The following ASIC2 variants were observed in gnomAD, a reference collection of about 807,000 sequenced individuals.
The protein encoded by ASIC2 is acid-sensing ion channel 2.
Under a neutral mutation model 57.3 loss-of-function variants are expected in ASIC2, and 25 were observed. The ratio of observed to expected loss-of-function variants is 0.44; its 90% CI spans 0.32 to 0.61. The LOEUF is 0.61. Among genes scored for constraint, ASIC2 ranks in the 20% least tolerant of loss-of-function variants. The pLI is 0.06. For missense variants in ASIC2, 641 were observed against 738.1 expected, an observed-to-expected ratio of 0.87 and a Z score of 1.52; for synonymous variants, 319 against 307.5, an observed-to-expected ratio of 1.04 and a Z score of -0.39.
intron 2 of ASIC2, among the ~76,000 whole-genome samples, chr17:33,091,245 G>A (rs1567741219): frequency 1.3e-5 from 2 of 152,178 alleles, no homozygotes; most frequent in African/African-American, 4.8e-5. Context: ...TTCAGTGGCT[G>A]TGTTTTCAAA....
At chr17:33,258,578 G>C (rs1046116131) in intron 1 of ASIC2, among the ~76,000 whole-genome samples, 3 of 152,280 alleles carry the variant, frequency 2.0e-5, no homozygotes, top group Middle Eastern at 3.4e-3. Context: ...AAAGTACAGC[G>C]GCCCTGAGGT....
intron 1 of ASIC2, among the ~76,000 whole-genome samples, chr17:33,288,553 C>T (rs1905285692): frequency 6.6e-6 from 1 of 152,098 alleles, no homozygotes; most frequent in Admixed American, 6.6e-5. Context: ...AAACCATGTG[C>T]TTTGAGCAGT....
chr17:33,790,785 T>C (rs1415055223), intron 1 of ASIC2, among the ~76,000 whole-genome samples: 1 of 152,214 alleles, frequency 6.6e-6, no homozygotes, highest in Non-Finnish European at 1.5e-5. Flanking sequence ...ATAAAGATGA[T>C]GATGACGATC....
chr17:33,020,122 C>G (rs895862023), intron 7 of ASIC2, among the ~76,000 whole-genome samples: 3 of 152,112 alleles, frequency 2.0e-5, no homozygotes, highest in African/African-American at 7.2e-5. Context: ...TGGGGAGTCC[C>G]CAGCCTCCTG....
chr17:33,502,027 G>C (rs1197319969), intron 1 of ASIC2, among the ~76,000 whole-genome samples: 1 of 152,162 alleles, frequency 6.6e-6, no homozygotes, highest in Non-Finnish European at 1.5e-5. Context: ...AAGAGTGCCA[G>C]GCCAGAGGAG....
At chr17:34,043,716 G>T (rs967716731) in intron 1 of ASIC2, among the ~76,000 whole-genome samples, 2 of 152,144 alleles carry the variant, frequency 1.3e-5, no homozygotes, top group African/African-American at 4.8e-5. Context: ...GATGAGCAGG[G>T]TGAGGGTTAT....
intron 1 of ASIC2, among the ~76,000 whole-genome samples, chr17:33,630,262 A>T (rs1376072552): frequency 1.3e-5 from 2 of 152,118 alleles, no homozygotes; most frequent in Non-Finnish European, 2.9e-5. Context: ...AGTTGGTCGC[A>T]TGCTGACAGT....
chr17:33,151,097 C>T (rs776562294), intron 1 of ASIC2, among the ~76,000 whole-genome samples: 3 of 150,514 alleles, frequency 2.0e-5, no homozygotes, highest in African/African-American at 4.9e-5. Context: ...GGGAGGCTGA[C>T]GGATGGATCA....
chr17:33,523,876 C>T (rs892960732), intron 1 of ASIC2, among the ~76,000 whole-genome samples: 4 of 152,160 alleles, frequency 2.6e-5, no homozygotes, highest in African/African-American at 9.7e-5. Flanking sequence ...GAAGTTCCTG[C>T]TCTCATGATG....
At chr17:33,573,412 T>G (rs925207501) in intron 1 of ASIC2, among the ~76,000 whole-genome samples, 5 of 152,200 alleles carry the variant, frequency 3.3e-5, no homozygotes, top group Admixed American at 6.5e-5. Flanking sequence ...GTGACTCTCC[T>G]AGATCCAACT....
intron 6 of ASIC2, among the ~76,000 whole-genome samples, chr17:33,022,527 C>T (rs375966153): frequency 4.6e-5 from 7 of 152,334 alleles, no homozygotes; most frequent in Non-Finnish European, 7.3e-5. Flanking sequence ...CCTGCACCCA[C>T]TCGGCTCAGC....
intron 1 of ASIC2, among the ~76,000 whole-genome samples, chr17:33,307,280 C>A (rs1011878901): frequency 2.8e-5 from 1 of 35,824 alleles, no homozygotes; most frequent in Non-Finnish European, 5.6e-5. Flanking sequence ...CCTCTTCCTT[C>A]TTCTTCTTCT....
intron 1 of ASIC2, among the ~76,000 whole-genome samples, chr17:33,684,872 T>C (rs1908131578): frequency 6.6e-6 from 1 of 152,292 alleles, no homozygotes; most frequent in Non-Finnish European, 1.5e-5. Flanking sequence ...AATACCATTG[T>C]GTTCTGTACG....
chr17:33,328,819 C>T (rs189621815), intron 1 of ASIC2, among the ~76,000 whole-genome samples: 46 of 152,256 alleles, frequency 3.0e-4, no homozygotes, highest in African/African-American at 1.1e-3. Flanking sequence ...TCAGCAAATC[C>T]CGTGATACTA....
rs1449826973 is a variant in ASIC2 at position 34,156,433 on chromosome 17, C to T, written c.100G>A (p.Val34Met). The T allele has an allele frequency of 6.2e-7, 1 of 1,614,202 alleles. No individual in the cohort carries two copies. The highest frequency in any genetic ancestry group is 8.5e-7 in the Non-Finnish European group (1 of 1,180,038). Residue 34 changes from valine to methionine, a missense_variant, in exon 1 of 10, where the codon GTG becomes ATG. Transcript: ENST00000359872. This position sits in a 1 kb window ranked among gnomAD's most constrained non-coding sequence, Gnocchi z 4.4. ...CGCCGGATGGTCAGCGGCCCATACA[C>T]GAAGATGTGGCGGATGCCATGGAGG...
chr17:33,275,212 G>A lies in ASIC2; in HGVS notation c.708+16196C>T, dbSNP rs531119841. ...AAATACAAAATGGTAATTTCTCTCTGGAAGCCTGATCCCCGCCTCCCACAC... is the reference window on the plus strand; with the variant it reads ...AAATACAAAATGGTAATTTCTCTCTAGAAGCCTGATCCCCGCCTCCCACAC... On this transcript the variant is annotated intron_variant, in intron 1 of 9. Coordinates refer to ENST00000225823, the MANE Select transcript of ASIC2 (RefSeq NM_183377.2). Among the ~76,000 whole-genome samples, 61 of 152,212 alleles carry A rather than the reference G, an allele frequency of 4.0e-4. No individual in the cohort carries two copies. The South Asian group carries it at 8.3e-3, about 21-fold the overall frequency.
At chr17:34,083,687 T>C (rs917523310) in intron 1 of ASIC2, among the ~76,000 whole-genome samples, 4 of 152,164 alleles carry the variant, frequency 2.6e-5, no homozygotes, top group African/African-American at 9.7e-5. Flanking sequence ...GCACCTGTTG[T>C]TTCCTGACTT....
chr17:33,030,377 T>C (rs1208334887), intron 3 of ASIC2, among the ~76,000 whole-genome samples: 1 of 152,192 alleles, frequency 6.6e-6, no homozygotes, highest in Non-Finnish European at 1.5e-5. Context: ...ACAGTATGCA[T>C]TCTTTTGTGT....
chr17:33,389,912 G>A (rs548212535), intron 1 of ASIC2, among the ~76,000 whole-genome samples: 1 of 152,334 alleles, frequency 6.6e-6, no homozygotes, highest in South Asian at 2.1e-4. Flanking sequence ...ACTTCATCAA[G>A]CAAGTACGAA....
Sources: allele counts gnomAD v4.1 joint callset (sites outside exome capture counted in the v4.1 genomes callset), GRCh38; gene constraint gnomAD v4.1.1; non-coding constraint Gnocchi (gnomAD v3.1); transcripts MANE v1.5; gene names NCBI Gene and HGNC (gene_info 2026-07-23, HGNC 2026-07-21).